DENND1B: variants seen among roughly 807,000 people sequenced by gnomAD.
DENND1B encodes DENN domain-containing protein 1B.
Under a neutral mutation model 90.1 loss-of-function variants are expected in DENND1B, and 59 were observed. The observed-to-expected ratio is 0.65, with a 90% CI of 0.53 to 0.81. DENND1B has a LOEUF of 0.81. Among genes scored for constraint, DENND1B ranks in the 40% least tolerant of loss-of-function variants. The probability of loss-of-function intolerance (pLI) is 0.00; values close to 1 mark genes in which losing one functional copy is unlikely to be tolerated. For synonymous variants in DENND1B, 337 were observed against 324.6 expected (o/e 1.04, Z -0.41); for missense variants, 862 against 912.6 (o/e 0.94, Z 0.71).
At chr1:197,540,481 C>T (rs1455251969) in intron 19 of DENND1B, among the ~76,000 whole-genome samples, 1 of 151,958 alleles carries the variant, frequency 6.6e-6, no homozygotes, top group Non-Finnish European at 1.5e-5. Context: ...CACACATATA[C>T]ACATATTTAC....
At chr1:197,550,807 TAAA>T (rs879793785) in intron 16 of DENND1B, among the ~76,000 whole-genome samples, 1 of 140,970 alleles carries the variant, frequency 7.1e-6, no homozygotes, top group Non-Finnish European at 1.6e-5. Context: ...AAACTTTAAT[TAAA>T]AAAAAAAAAG....
intron 13 of DENND1B, among the ~76,000 whole-genome samples, chr1:197,598,692 C>T (rs757494729): frequency 4.6e-5 from 7 of 151,806 alleles, no homozygotes; most frequent in Non-Finnish European, 7.4e-5. Flanking sequence ...AGTCATATGG[C>T]TATTATCACA....
At chr1:197,634,086 C>T (rs948874207) in intron 10 of DENND1B, among the ~76,000 whole-genome samples, 3 of 152,198 alleles carry the variant, frequency 2.0e-5, no homozygotes, top group African/African-American at 2.4e-5. Context: ...ATGAGCCACA[C>T]AGCTGTGCCC....
In DENND1B at chr1:197,525,146, T is replaced by C. The variant is rs1366083539; in HGVS notation, c.1516-12193A>G. ...GTCTCATTATTCACCTGTGTTTATATGTAGTATGGTTGTGAACTGTTAATA... is the reference window on the plus strand; with the variant it reads ...GTCTCATTATTCACCTGTGTTTATACGTAGTATGGTTGTGAACTGTTAATA... On this transcript the variant is annotated intron_variant, in intron 20 of 22. Transcript: ENST00000620048. Among the ~76,000 whole-genome samples, 3 of 152,168 alleles carry C rather than the reference T, an allele frequency of 2.0e-5. No homozygotes were observed. In the East Asian group the frequency reaches 5.8e-4, roughly 29 times the overall value.
At position 197,553,080 on chromosome 1, in the gene DENND1B, T is replaced by C. The variant is rs764861527; in HGVS notation, c.1182A>G (p.Ala394=). Residue 394 remains alanine (A), a synonymous_variant, in exon 16 of 23, where the codon GCA becomes GCG. Coordinates refer to ENST00000620048, the MANE Select transcript of DENND1B (RefSeq NM_001195215.2). ...CAAATACATCAGAGAAACCCCTTCC[T>C]GCATTTAGTTTTGCCAGTCGACCAT... ...FIDGRLAKLN[A]GRGFSDVFEE... is the part of the protein sequence containing the mutation. 2 of 1,544,796 alleles carry C rather than the reference T, an allele frequency of 1.3e-6. No individual in the cohort carries two copies. Among genetic ancestry groups the C allele is most frequent in the Non-Finnish European group, 1.7e-6 (2 of 1,152,926 alleles).
intron 2 of DENND1B, among the ~76,000 whole-genome samples, chr1:197,721,065 ATT>A (rs11371047): frequency 3.4e-4 from 34 of 98,946 alleles, no homozygotes; most frequent in African/African-American, 1.1e-3. Flanking sequence ...GAGAAACGGC[ATT>A]TTTTTTTTTT....
intron 15 of DENND1B, among the ~76,000 whole-genome samples, chr1:197,559,678 A>G: frequency 6.6e-6 from 1 of 151,756 alleles, no homozygotes; most frequent in East Asian, 1.9e-4. Flanking sequence ...TTTCTTATGA[A>G]TCTTTAAAAT....
At chr1:197,550,669 AGGGG>A (rs34588913) in intron 16 of DENND1B, among the ~76,000 whole-genome samples, 1 of 146,810 alleles carries the variant, frequency 6.8e-6, no homozygotes, top group South Asian at 2.1e-4. Flanking sequence ...TTGTGGGGTG[AGGGG>A]GGGGGGGAGG....
chr1:197,618,268 A>G (rs1216179424), intron 10 of DENND1B, among the ~76,000 whole-genome samples: 1 of 151,194 alleles, frequency 6.6e-6, no homozygotes. Context: ...AATGTTCGAC[A>G]GTTGGAGCTT....
At chr1:197,577,517 G>A (rs1054485554) in intron 15 of DENND1B, among the ~76,000 whole-genome samples, 1 of 152,134 alleles carries the variant, frequency 6.6e-6, no homozygotes, top group African/African-American at 2.4e-5. Flanking sequence ...TGGTTTTGCC[G>A]TGGTCCTTAG....
intron 2 of DENND1B, chr1:197,735,577 G>A (rs1189124088): frequency 1.6e-5 from 26 of 1,613,900 alleles, no homozygotes; most frequent in Non-Finnish European, 2.1e-5. Flanking sequence ...GAATTCTAAA[G>A]GGTATTACTC....
chr1:197,562,117 C>T (rs967070496), intron 15 of DENND1B, among the ~76,000 whole-genome samples: 3 of 151,824 alleles, frequency 2.0e-5, no homozygotes, highest in Admixed American at 2.0e-4. Context: ...ATCTACTTTC[C>T]CATAGTACTT....
At chr1:197,701,818 T>A (rs184332310) in intron 3 of DENND1B, among the ~76,000 whole-genome samples, 9 of 152,238 alleles carry the variant, frequency 5.9e-5, no homozygotes, top group Admixed American at 2.6e-4. Flanking sequence ...TTTGGTAAAA[T>A]TTTTCATCTC....
chr1:197,594,540 T>A (rs905623632), intron 14 of DENND1B, among the ~76,000 whole-genome samples: 1 of 152,166 alleles, frequency 6.6e-6, no homozygotes, highest in Non-Finnish European at 1.5e-5. Flanking sequence ...GAAGGAAGAA[T>A]AGTGTAATAA....
intron 5 of DENND1B, among the ~76,000 whole-genome samples, chr1:197,667,003 G>A (rs1453244588): frequency 2.0e-5 from 3 of 152,002 alleles, no homozygotes; most frequent in Non-Finnish European, 2.9e-5. Context: ...GCGTGGTGGC[G>A]CAGGTCTGTA....
chr1:197,626,274 A>C (rs1052860654), intron 10 of DENND1B, among the ~76,000 whole-genome samples: 4 of 152,156 alleles, frequency 2.6e-5, no homozygotes, highest in Non-Finnish European at 4.4e-5. Flanking sequence ...AGTTGGAAGT[A>C]AAGCTCTCCT....
At chr1:197,687,238 AATAAG>A (rs1481605489) in intron 3 of DENND1B, among the ~76,000 whole-genome samples, 1 of 152,166 alleles carries the variant, frequency 6.6e-6, no homozygotes, top group Non-Finnish European at 1.5e-5. Context: ...TCATCTATAA[AATAAG>A]ATAACAACTA....
At chr1:197,637,818 C>G (rs925821664) in intron 10 of DENND1B, among the ~76,000 whole-genome samples, 19 of 152,190 alleles carry the variant, frequency 1.2e-4, no homozygotes, top group Non-Finnish European at 2.6e-4. Context: ...CACCACTCTG[C>G]TGCAGCTTTA....
chr1:197,513,827 C>T (rs1354156178), intron 20 of DENND1B, among the ~76,000 whole-genome samples: 9 of 151,472 alleles, frequency 5.9e-5, no homozygotes, highest in Admixed American at 5.9e-4. Context: ...GTTCAACCTT[C>T]CCTCTCCTAT....
Sources: allele counts gnomAD v4.1 joint callset (sites outside exome capture counted in the v4.1 genomes callset), GRCh38; gene constraint gnomAD v4.1.1; transcripts MANE v1.5; gene names NCBI Gene and HGNC (gene_info 2026-07-23, HGNC 2026-07-21).